RANBP2: variants seen among roughly 807,000 people sequenced by gnomAD.
RANBP2 encodes the protein RAN binding protein 2.
A neutral mutation model predicts 303.6 loss-of-function variants in RANBP2; 57 were observed. The observed-to-expected ratio is 0.19, with a 90% CI of 0.15 to 0.23. The LOEUF is 0.23. Among genes scored for constraint, RANBP2 ranks in the 10% least tolerant of loss-of-function variants. RANBP2 has a pLI of 1.00. For missense variants in RANBP2, 3,138 were observed against 3,780.8 expected, an observed-to-expected ratio of 0.83 and a Z score of 4.46; for synonymous variants, 1,167 against 1,301.5, an observed-to-expected ratio of 0.90 and a Z score of 2.23.
the RANBP2 span, among the ~76,000 whole-genome samples, chr2:109,538,357 G>C: frequency 4.5e-4 from 69 of 152,348 alleles, no homozygotes; most frequent in African/African-American, 1.5e-3. Context: ...TGTTTGACAG[G>C]AAGGGGAACA....
chr2:109,556,285 A>G, the RANBP2 span, among the ~76,000 whole-genome samples: 1 of 152,236 alleles, frequency 6.6e-6, no homozygotes. Context: ...TTTGACAGAG[A>G]ATACAAATTC....
chr2:109,679,570 C>G, the RANBP2 span, among the ~76,000 whole-genome samples: 1 of 152,190 alleles, frequency 6.6e-6, no homozygotes, highest in Non-Finnish European at 1.5e-5. Flanking sequence ...AGGCATGACC[C>G]TAAGGCTCTC....
chr2:109,249,527 C>CTT, the RANBP2 span, among the ~76,000 whole-genome samples: 363 of 117,436 alleles, frequency 3.1e-3, 2 homozygotes, highest in Non-Finnish European at 4.3e-3. Context: ...CTTTTTCTTT[C>CTT]TTTCTTTCCT....
chr2:109,164,757 A>G, the RANBP2 span, among the ~76,000 whole-genome samples: 2 of 152,306 alleles, frequency 1.3e-5, no homozygotes, highest in Non-Finnish European at 2.9e-5. Context: ...AACCTCTGCA[A>G]TTTAATAGTC....
the RANBP2 span, among the ~76,000 whole-genome samples, chr2:109,345,429 T>C: frequency 6.6e-6 from 1 of 152,170 alleles, no homozygotes; most frequent in Non-Finnish European, 1.5e-5. Flanking sequence ...CCACTGTTGT[T>C]ACCAATGGTA....
At chr2:108,984,137 G>A in the RANBP2 span, among the ~76,000 whole-genome samples, 1 of 152,034 alleles carries the variant, frequency 6.6e-6, no homozygotes, top group African/African-American at 2.4e-5. Context: ...TTTGGCATGT[G>A]TTAACGGCCA....
the RANBP2 span, among the ~76,000 whole-genome samples, chr2:109,142,685 A>G: frequency 1.3e-5 from 2 of 152,170 alleles, no homozygotes; most frequent in East Asian, 1.9e-4. Flanking sequence ...TGTGAGGTCA[A>G]CTGAGCGGAG....
the RANBP2 span, among the ~76,000 whole-genome samples, chr2:108,944,039 T>C: frequency 6.6e-6 from 1 of 152,252 alleles, no homozygotes; most frequent in African/African-American, 2.4e-5. Context: ...TTCTCAGGAA[T>C]GTACACAGGC....
chr2:109,063,985 A>G, the RANBP2 span, among the ~76,000 whole-genome samples: 1 of 152,110 alleles, frequency 6.6e-6, no homozygotes, highest in African/African-American at 2.4e-5. Flanking sequence ...TCCAGCCATC[A>G]TGTCCGTTTC....
the RANBP2 span, chr2:109,544,056 A>G: frequency 1.6e-6 from 2 of 1,222,018 alleles, no homozygotes; most frequent in Non-Finnish European, 2.3e-6. Flanking sequence ...TCAGTGCTCA[A>G]AAAGATTCAG....
intron 1 of RANBP2, among the ~76,000 whole-genome samples, chr2:108,721,692 C>T (rs942423077): frequency 6.6e-6 from 1 of 152,130 alleles, no homozygotes; most frequent in African/African-American, 2.4e-5. Flanking sequence ...AGTGATTTCC[C>T]CGCCTCCACT....
At chr2:109,021,214 G>C in the RANBP2 span, among the ~76,000 whole-genome samples, 94 of 152,270 alleles carry the variant, frequency 6.2e-4, 1 homozygote, top group Middle Eastern at 3.4e-3. Flanking sequence ...GATCAGCATG[G>C]GGTCTGTGTG....
At chr2:109,574,515 A>C in the RANBP2 span, 1 of 1,037,150 alleles carries the variant, frequency 9.6e-7, no homozygotes, top group East Asian at 3.1e-5. Context: ...TCCATATTGT[A>C]AAAATATTTT....
At chr2:109,289,873 C>T in the RANBP2 span, among the ~76,000 whole-genome samples, 7 of 152,120 alleles carry the variant, frequency 4.6e-5, no homozygotes, top group African/African-American at 1.7e-4. Flanking sequence ...TATCGCATTG[C>T]GGGTTTGAAC....
chr2:109,507,698 A>T, the RANBP2 span, among the ~76,000 whole-genome samples: 10 of 152,174 alleles, frequency 6.6e-5, no homozygotes, highest in Admixed American at 6.5e-4. Flanking sequence ...AATCCCAGAC[A>T]CCCAAGAAAA....
the RANBP2 span, among the ~76,000 whole-genome samples, chr2:109,194,471 A>G: frequency 6.6e-6 from 1 of 152,108 alleles, no homozygotes; most frequent in East Asian, 1.9e-4. Context: ...GGCTCTGTAG[A>G]ATGGAGAAGT....
the RANBP2 span, among the ~76,000 whole-genome samples, chr2:109,475,373 CGCAAAGTGGCTA>C: frequency 3.9e-5 from 6 of 152,228 alleles, no homozygotes; most frequent in African/African-American, 9.6e-5. Context: ...AGCAAACCCA[CGCAAAGTGGCTA>C]CCAGTCCCCC....
the RANBP2 span, among the ~76,000 whole-genome samples, chr2:108,958,441 A>C: frequency 0.031 from 4,669 of 152,254 alleles, 146 homozygotes; most frequent in African/African-American, 0.08. Flanking sequence ...AAACAAAAAA[A>C]ACCCCAGGGC....
At chr2:109,299,847 C>T in the RANBP2 span, among the ~76,000 whole-genome samples, 24 of 152,292 alleles carry the variant, frequency 1.6e-4, no homozygotes, top group African/African-American at 5.5e-4. Flanking sequence ...GCATGTACAG[C>T]CAGGCTGAAC....
Sources: gnomAD v4.1 joint callset for allele counts (sites outside exome capture counted in the v4.1 genomes callset) on GRCh38, gnomAD v4.1.1 for gene constraint, MANE v1.5 for transcripts, NCBI Gene and HGNC (gene_info 2026-07-23, HGNC 2026-07-21) for gene names.